Variants in STAG1 observed in about 807,000 individuals in gnomAD.
STAG1 encodes the protein cohesin subunit SA-1.
In STAG1, 26 loss-of-function variants were observed where a neutral mutation model predicts 170.9. That is an observed-to-expected ratio of 0.15 (90% CI 0.11 to 0.21). The LOEUF (loss-of-function observed/expected upper bound fraction) is 0.21. STAG1 is among the 10% of genes least tolerant of loss of function. The pLI is 1.00. For missense variants in STAG1, 964 were observed against 1,509.5 expected (o/e 0.64, Z 5.99); for synonymous variants, 514 against 497.7 (o/e 1.03, Z -0.44).
At chr3:136,464,292 G>A (rs887567637) in intron 13 of STAG1, among the ~76,000 whole-genome samples, 4 of 151,602 alleles carry the variant, frequency 2.6e-5, no homozygotes, top group Non-Finnish European at 5.9e-5. Context: ...GCAGGGTGGC[G>A]CATGCCTGTA....
At chr3:136,459,539 A>T (rs2089217287) in intron 13 of STAG1, among the ~76,000 whole-genome samples, 1 of 152,238 alleles carries the variant, frequency 6.6e-6, no homozygotes, top group South Asian at 2.1e-4. Context: ...ATACATTTAC[A>T]GAACATTCCA....
At chr3:136,684,853 T>A (rs1216485209) in intron 1 of STAG1, among the ~76,000 whole-genome samples, 1 of 150,894 alleles carries the variant, frequency 6.6e-6, no homozygotes, top group Non-Finnish European at 1.5e-5. Flanking sequence ...ACACAGACCT[T>A]AAACTCTTCA....
At chr3:136,629,464 T>C (rs1940238402) in intron 2 of STAG1, among the ~76,000 whole-genome samples, 1 of 151,818 alleles carries the variant, frequency 6.6e-6, no homozygotes, top group African/African-American at 2.4e-5. Flanking sequence ...ATCATATAAA[T>C]ATGGTATTTA....
At chr3:136,545,112 G>A (rs1936097286) in intron 5 of STAG1, among the ~76,000 whole-genome samples, 3 of 151,860 alleles carry the variant, frequency 2.0e-5, no homozygotes, top group East Asian at 1.9e-4. Flanking sequence ...GCAATGGCGC[G>A]ATCTCAGCTC....
chr3:136,495,970 CAA>C (rs35882097), intron 9 of STAG1, among the ~76,000 whole-genome samples: 71 of 64,084 alleles, frequency 1.1e-3, no homozygotes, highest in Middle Eastern at 0.011. Context: ...GACTCCGTCT[CAA>C]AAAAAAAAAA....
At chr3:136,733,892 G>C (rs971355141) in intron 1 of STAG1, among the ~76,000 whole-genome samples, 7 of 152,248 alleles carry the variant, frequency 4.6e-5, no homozygotes, top group South Asian at 4.1e-4. Flanking sequence ...CGGATCACAA[G>C]GTCAGGAGAT....
intron 23 of STAG1, among the ~76,000 whole-genome samples, chr3:136,372,478 T>C (rs1390401717): frequency 1.3e-5 from 2 of 152,172 alleles, no homozygotes; most frequent in Non-Finnish European, 2.9e-5. Context: ...TGATATTGAC[T>C]GTGGGTTTGT....
At chr3:136,549,707 T>G (rs1195368034) in intron 5 of STAG1, among the ~76,000 whole-genome samples, 2 of 151,518 alleles carry the variant, frequency 1.3e-5, no homozygotes, top group Non-Finnish European at 1.5e-5. Context: ...CTTCTGGTAA[T>G]ACACAGAATA....
rs61616234 is a variant in STAG1 at position 136,432,514 on chromosome 3, T to TG, written c.1650+1041dup. On this transcript the variant is annotated intron_variant, in intron 16 of 33. Coordinates refer to ENST00000383202, the MANE Select transcript of STAG1 (RefSeq NM_005862.3). ...TTTTAATTTTTGTTTTCTTTTTTTT[T>TG]GGGGGGGGGGGGGCACAGAGTCTTG... Among the ~76,000 whole-genome samples, 662 of 100,274 alleles carry TG rather than the reference T, an allele frequency of 6.6e-3. 3 individuals carry two copies. Among genetic ancestry groups the TG allele is most frequent in the African/African-American group, 0.021 (451 of 21,082 alleles). 65.8% of individuals were successfully genotyped at this position (100,274 alleles called of 152,430 possible).
In STAG1 at chr3:136,500,216, C is replaced by A; in HGVS notation, c.902+7G>T. 6.6e-7 allele frequency: 1 copy of A among 1,514,088 alleles called. No individual in the cohort carries two copies. The highest frequency in any genetic ancestry group is 9.1e-7 in the Non-Finnish European group (1 of 1,102,628). 93.8% of individuals were successfully genotyped at this position (1,514,088 alleles called of 1,614,324 possible). On this transcript the variant is annotated splice_region_variant and intron_variant, in intron 9 of 33. Transcript: ENST00000383202. ...AAGCCTTCAAAATTATTTTTAAAAT[C>A]TCTTACCGGTATCTATGAACAAATA...
At chr3:136,687,197 C>T (rs546735838) in intron 1 of STAG1, among the ~76,000 whole-genome samples, 227 of 152,198 alleles carry the variant, frequency 1.5e-3, no homozygotes, top group Non-Finnish European at 2.9e-3. Context: ...CTACTGAATC[C>T]CCCTCAAATG....
Position 136,614,646 on chromosome 3 carries a change from C to G in STAG1, c.132+8500G>C, listed in dbSNP as rs574368448. Among the ~76,000 whole-genome samples, 9 of 152,272 alleles carry G rather than the reference C, an allele frequency of 5.9e-5. 1 individual carries two copies. The South Asian group carries it at 1.9e-3, about 32-fold the overall frequency. On this transcript the variant is annotated intron_variant, in intron 3 of 33. Transcript: ENST00000383202. ...TATACTATTCAATTTAAATGTGTATCTACATTTCTAGTAAACTGTTTTAAA... is the reference window on the plus strand; with the variant it reads ...TATACTATTCAATTTAAATGTGTATGTACATTTCTAGTAAACTGTTTTAAA...
intron 1 of STAG1, among the ~76,000 whole-genome samples, chr3:136,748,336 G>C (rs1935055999): frequency 6.6e-6 from 1 of 151,988 alleles, no homozygotes; most frequent in African/African-American, 2.4e-5. Flanking sequence ...AGGCGGTGGA[G>C]GTTGCAGTGA....
At chr3:136,717,731 T>C (rs1337444465) in intron 1 of STAG1, among the ~76,000 whole-genome samples, 1 of 152,096 alleles carries the variant, frequency 6.6e-6, no homozygotes, top group African/African-American at 2.4e-5. Flanking sequence ...AGATGATGGA[T>C]CTCAGACTAT....
At chr3:136,445,040 T>G (rs2088738592) in intron 14 of STAG1, among the ~76,000 whole-genome samples, 1 of 151,250 alleles carries the variant, frequency 6.6e-6, no homozygotes, top group Non-Finnish European at 1.5e-5. Context: ...TTTTTTTTTT[T>G]GTAGAGACGG....
intron 1 of STAG1, among the ~76,000 whole-genome samples, chr3:136,751,539 G>C (rs1357675548): frequency 6.6e-6 from 1 of 152,072 alleles, no homozygotes; most frequent in African/African-American, 2.4e-5. Context: ...CCCCCGTCGG[G>C]GGCTGAGAGG....
intron 21 of STAG1, among the ~76,000 whole-genome samples, chr3:136,415,719 G>T (rs1250323990): frequency 6.6e-6 from 1 of 152,078 alleles, no homozygotes; most frequent in Non-Finnish European, 1.5e-5. Flanking sequence ...CTACTCAGGC[G>T]GCCGAGGCGG....
At chr3:136,734,701 T>C (rs529781910) in intron 1 of STAG1, among the ~76,000 whole-genome samples, 2 of 152,278 alleles carry the variant, frequency 1.3e-5, no homozygotes, top group East Asian at 3.9e-4. Context: ...TTTGTTGCTT[T>C]AGGGGTGTTT....
intron 1 of STAG1, among the ~76,000 whole-genome samples, chr3:136,707,623 G>GC (rs2015528605): frequency 6.6e-6 from 1 of 152,156 alleles, no homozygotes; most frequent in African/African-American, 2.4e-5. Context: ...CAAGGGCATG[G>GC]CCCTAGCTTC....
Sources: allele counts gnomAD v4.1 joint callset (sites outside exome capture counted in the v4.1 genomes callset), GRCh38; gene constraint gnomAD v4.1.1; transcripts MANE v1.5; gene names NCBI Gene and HGNC (gene_info 2026-07-23, HGNC 2026-07-21).